The following SOS1 variants were observed in gnomAD, a reference collection of about 807,000 sequenced individuals.
SOS1 encodes SOS Ras/Rac guanine nucleotide exchange factor 1, also known as son of sevenless homolog 1.
In SOS1, 25 loss-of-function variants were observed where a neutral mutation model predicts 157.6. The observed-to-expected ratio is 0.16, with a 90% CI of 0.12 to 0.22. SOS1 has a LOEUF of 0.22. Ranked by LOEUF, SOS1 falls within the 10% of genes least tolerant of loss-of-function variation. The probability of loss-of-function intolerance (pLI) is 1.00; values close to 1 mark genes in which losing one functional copy is unlikely to be tolerated. For synonymous variants in SOS1, 528 were observed against 534.0 expected, an observed-to-expected ratio of 0.99 and a Z score of 0.16; for missense variants, 1,237 against 1,599.1, an observed-to-expected ratio of 0.77 and a Z score of 3.86.
chr2:39,007,160 T>C lies in SOS1; in HGVS notation c.2544A>G (p.Arg848=). 2 of 1,605,788 alleles carry C rather than the reference T, an allele frequency of 1.2e-6. No homozygotes were observed. The highest frequency in any genetic ancestry group is 8.5e-7 in the Non-Finnish European group (1 of 1,172,604). The stretch of plus-strand genomic sequence containing the variant: ...CAATAATTCGACTCACCACAGCTAC[T>C]CTTTCTTCTAAATTTTCAGTTTCTA... ...CIVETENLEE[R]VAVVSRIIEI... The change falls in exon 16 of 23, where the codon AGA becomes AGG. Residue 848 remains arginine, a synonymous_variant. Coordinates refer to ENST00000402219, the MANE Select transcript of SOS1 (RefSeq NM_005633.4).
chr2:39,039,698 T>C (rs1670490089), intron 6 of SOS1, among the ~76,000 whole-genome samples: 1 of 152,214 alleles, frequency 6.6e-6, no homozygotes, highest in Non-Finnish European at 1.5e-5. Flanking sequence ...ACTTCACCCA[T>C]TTAATGGGCA....
chr2:39,120,297 G>A (rs761238274), intron 1 of SOS1, 39 bp downstream of exon 1: 1 of 1,537,650 alleles, frequency 6.5e-7, no homozygotes, highest in Non-Finnish European at 8.8e-7. Context: ...CCGCGCTGGG[G>A]GGCTGCGGCC....
rs540441780 is a variant in SOS1, at chr2:39,098,867, C to A, written c.87+21469G>T. The stretch of plus-strand genomic sequence containing the variant: ...TTGTGCCACTGCACTCCAGCCAGGG[C>A]AACAAAGCGAGACCACACCTCAAAA... On this transcript the variant is annotated intron_variant, in intron 1 of 22. Coordinates refer to ENST00000402219, the MANE Select transcript of SOS1 (RefSeq NM_005633.4). 5.9e-5 allele frequency among the ~76,000 whole-genome samples: 9 copies of A among 152,142 alleles called. No individual in the cohort carries two copies. In the South Asian group the frequency reaches 1.9e-3, roughly 32 times the overall value.
intron 1 of SOS1, among the ~76,000 whole-genome samples, chr2:39,106,852 C>A (rs1297618439): frequency 1.3e-5 from 2 of 152,096 alleles, no homozygotes; most frequent in African/African-American, 4.8e-5. Flanking sequence ...TGCTGGTTTG[C>A]CTCAAGTACT....
rs1258255790 is a variant in SOS1 at position 38,985,606 on chromosome 2, A to G, written c.*218T>C. ...ATTTTCAGGTGCAATCAGTTGTCCA[A>G]TTCCTCTAGGTCGGTCTTTCCATAT... On this transcript the variant is annotated 3_prime_UTR_variant, in exon 23 of 23. Transcript: ENST00000402219. 1.3e-5 allele frequency: 7 copies of G among 550,976 alleles called. No individual in the cohort carries two copies. The highest frequency in any genetic ancestry group is 2.0e-5 in the South Asian group (1 of 48,832). 34.1% of individuals were successfully genotyped at this position (550,976 alleles called of 1,614,324 possible).
At chr2:39,078,771 T>A (rs537329034) in intron 1 of SOS1, among the ~76,000 whole-genome samples, 1 of 151,736 alleles carries the variant, frequency 6.6e-6, no homozygotes, top group South Asian at 2.1e-4. Flanking sequence ...GCCAAAAAGG[T>A]TGGGGACTGG....
At chr2:38,989,053 G>C (rs900597634) in intron 21 of SOS1, among the ~76,000 whole-genome samples, 3 of 151,192 alleles carry the variant, frequency 2.0e-5, no homozygotes, top group Non-Finnish European at 4.4e-5. Context: ...TCTTTTAAGA[G>C]AGAAACAAGG....
At chr2:39,039,919 TA>T (rs1431488037) in intron 6 of SOS1, among the ~76,000 whole-genome samples, 2 of 152,242 alleles carry the variant, frequency 1.3e-5, no homozygotes, top group East Asian at 3.8e-4. Context: ...AATCATACAA[TA>T]TGTAGTCTTT....
At position 39,051,153 on chromosome 2, in the gene SOS1, G is replaced by T; in HGVS notation, c.855C>A (p.Asp285Glu). 6.2e-7 allele frequency: 1 copy of T among 1,613,642 alleles called. No individual in the cohort carries two copies. The highest frequency in any genetic ancestry group is 8.5e-7 in the Non-Finnish European group (1 of 1,179,662). The change falls in exon 6 of 23, where the codon GAC becomes GAA. Residue 285 changes from aspartate to glutamate, a missense_variant. Physicochemically the swap from Asp to Glu is conservative, Grantham distance 45. Transcript: ENST00000402219. ...TAATTGAAGTACTTACCTCTGCTAA[G>T]TCTTCAAAGCAGCTTCCTACTAGTG... is the stretch of plus-strand genomic sequence containing the variant. ...PHPLVGSCFE[D>E]LAEELAFDPY...
At chr2:39,041,254 A>G (rs536249905) in intron 6 of SOS1, among the ~76,000 whole-genome samples, 2 of 152,270 alleles carry the variant, frequency 1.3e-5, no homozygotes, top group South Asian at 4.1e-4. Context: ...ACAGGGTCTC[A>G]CTATGTTGCT....
At chr2:39,034,689 G>C in intron 8 of SOS1, 1 of 373,428 alleles carries the variant, frequency 2.7e-6, no homozygotes, top group South Asian at 2.1e-5. Context: ...TGAGATTACA[G>C]AAATTTATTG....
intron 1 of SOS1, among the ~76,000 whole-genome samples, chr2:39,071,097 A>G (rs910370627): frequency 2.6e-5 from 4 of 151,972 alleles, no homozygotes; most frequent in African/African-American, 9.7e-5. Flanking sequence ...CGAACCCCTG[A>G]CCTCAAGTGA....
chr2:39,000,187 G>A (rs1277702768), intron 17 of SOS1, among the ~76,000 whole-genome samples: 1 of 152,146 alleles, frequency 6.6e-6, no homozygotes, highest in Non-Finnish European at 1.5e-5. Context: ...TAGCACTTTG[G>A]TACAGTTTGG....
At chr2:39,058,064 T>C (rs909120701) in intron 3 of SOS1, among the ~76,000 whole-genome samples, 2 of 152,156 alleles carry the variant, frequency 1.3e-5, no homozygotes, top group Non-Finnish European at 2.9e-5. Flanking sequence ...ACAAAATTAC[T>C]GGCATCTAAG....
intron 1 of SOS1, among the ~76,000 whole-genome samples, chr2:39,111,911 G>A (rs1234405606): frequency 6.6e-6 from 1 of 151,812 alleles, no homozygotes; most frequent in Non-Finnish European, 1.5e-5. Flanking sequence ...TGTATTTTTG[G>A]TAGAAGTGAG....
At chr2:39,030,663 T>C (rs1322171371) in intron 8 of SOS1, among the ~76,000 whole-genome samples, 2 of 152,128 alleles carry the variant, frequency 1.3e-5, no homozygotes. Flanking sequence ...AAAAATTTAA[T>C]TTTTATAGTG....
At chr2:39,044,903 G>A (rs969142924) in intron 6 of SOS1, among the ~76,000 whole-genome samples, 1 of 151,660 alleles carries the variant, frequency 6.6e-6, no homozygotes, top group Non-Finnish European at 1.5e-5. Flanking sequence ...TTTTATCGGT[G>A]AGGGATTGAT....
At chr2:39,047,984 C>A (rs1031558920) in intron 6 of SOS1, among the ~76,000 whole-genome samples, 1 of 152,038 alleles carries the variant, frequency 6.6e-6, no homozygotes, top group East Asian at 1.9e-4. Flanking sequence ...TCTTAATATA[C>A]CCCAGATATG....
At chr2:39,044,868 A>G (rs377517209) in intron 6 of SOS1, among the ~76,000 whole-genome samples, 7 of 142,628 alleles carry the variant, frequency 4.9e-5, no homozygotes, top group South Asian at 4.5e-4. Context: ...GCGCGCGCAC[A>G]CACACACACA....
Sources: gnomAD v4.1 joint callset for allele counts (sites outside exome capture counted in the v4.1 genomes callset) on GRCh38, gnomAD v4.1.1 for gene constraint, MANE v1.5 for transcripts, NCBI Gene and HGNC (gene_info 2026-07-23, HGNC 2026-07-21) for gene names.